Variants in JARID2 observed in about 807,000 individuals in gnomAD.
JARID2 encodes the protein jumonji and AT-rich interaction domain containing 2.
A neutral mutation model predicts 125.6 loss-of-function variants in JARID2; 21 were observed. The observed-to-expected ratio is 0.17, with a 90% CI of 0.12 to 0.24. The LOEUF (loss-of-function observed/expected upper bound fraction) is 0.24. Ranked by LOEUF, JARID2 falls within the 10% of genes least tolerant of loss-of-function variation. JARID2 has a pLI of 1.00. For missense variants in JARID2, 1,303 were observed against 1,639.6 expected, an observed-to-expected ratio of 0.79 and a Z score of 3.55; for synonymous variants, 736 against 661.6, an observed-to-expected ratio of 1.11 and a Z score of -1.73.
chr6:15,250,804 G>A (rs1759416467), intron 1 of JARID2, among the ~76,000 whole-genome samples: 1 of 152,082 alleles, frequency 6.6e-6, no homozygotes, highest in African/African-American at 2.4e-5. Context: ...ACTTCCAAGT[G>A]CCTTGGAAAT....
chr6:15,386,394 A>C (rs1764788760), intron 2 of JARID2, among the ~76,000 whole-genome samples: 1 of 152,190 alleles, frequency 6.6e-6, no homozygotes, highest in African/African-American at 2.4e-5. Flanking sequence ...ACAAGTGTAC[A>C]CATATAACCA....
At chr6:15,336,220 A>C (rs1762874253) in intron 1 of JARID2, among the ~76,000 whole-genome samples, 1 of 152,218 alleles carries the variant, frequency 6.6e-6, no homozygotes, top group South Asian at 2.1e-4. Context: ...AAACTGAAAA[A>C]CAGGTGGGGA....
At chr6:15,426,857 T>G (rs1209621568) in intron 3 of JARID2, among the ~76,000 whole-genome samples, 32 of 152,178 alleles carry the variant, frequency 2.1e-4, no homozygotes, top group Non-Finnish European at 4.4e-5. Flanking sequence ...ATCAAAAGGC[T>G]TATTTATAGT....
At chr6:15,316,440 A>G (rs926221641) in intron 1 of JARID2, among the ~76,000 whole-genome samples, 5 of 152,224 alleles carry the variant, frequency 3.3e-5, no homozygotes, top group Admixed American at 6.5e-5. Flanking sequence ...GGAGTGTTTC[A>G]TAATGAAGAT....
chr6:15,247,042 G>C (rs903998925), intron 1 of JARID2, among the ~76,000 whole-genome samples: 1 of 152,182 alleles, frequency 6.6e-6, no homozygotes, highest in Admixed American at 6.5e-5. Flanking sequence ...CGATTATGGC[G>C]ATCTTCTCTT....
intron 1 of JARID2, among the ~76,000 whole-genome samples, chr6:15,300,753 G>C (rs1051911494): frequency 6.6e-6 from 1 of 150,608 alleles, no homozygotes; most frequent in East Asian, 2.0e-4. Flanking sequence ...GAGAGAGACA[G>C]AGAGGAGGGG....
At chr6:15,438,727 C>G (rs1212863889) in intron 3 of JARID2, among the ~76,000 whole-genome samples, 1 of 152,102 alleles carries the variant, frequency 6.6e-6, no homozygotes, top group Non-Finnish European at 1.5e-5. Flanking sequence ...TCTATCTGCT[C>G]CATTGAAATC....
chr6:15,445,128 T>A (rs1013881352), intron 3 of JARID2, among the ~76,000 whole-genome samples: 1 of 152,166 alleles, frequency 6.6e-6, no homozygotes, highest in African/African-American at 2.4e-5. Flanking sequence ...TCTACACTGT[T>A]GATGACCCCA....
intron 4 of JARID2, among the ~76,000 whole-genome samples, chr6:15,459,846 A>G (rs1768362300): frequency 1.3e-5 from 2 of 152,238 alleles, no homozygotes; most frequent in African/African-American, 4.8e-5. Flanking sequence ...AACCTGCCAG[A>G]AAGCAATTAA....
At chr6:15,495,065 C>T (rs767110035) in intron 6 of JARID2, among the ~76,000 whole-genome samples, 4 of 152,136 alleles carry the variant, frequency 2.6e-5, no homozygotes, top group South Asian at 2.1e-4. Flanking sequence ...ATATCATAGA[C>T]GAAAAGTAAT....
At chr6:15,413,008 G>GTTTT (rs1041543140) in intron 3 of JARID2, among the ~76,000 whole-genome samples, 1,221 of 47,272 alleles carry the variant, frequency 0.026, 122 homozygotes, top group East Asian at 0.031. Flanking sequence ...TTGTGTTTTT[G>GTTTT]TTTTTTTTTT....
At chr6:15,257,733 G>A (rs991180323) in intron 1 of JARID2, among the ~76,000 whole-genome samples, 4 of 152,202 alleles carry the variant, frequency 2.6e-5, no homozygotes, top group East Asian at 1.9e-4. Context: ...GGTAGTACAC[G>A]TTAGGCCAGC....
At chr6:15,387,595 A>G (rs1764837599) in intron 2 of JARID2, among the ~76,000 whole-genome samples, 1 of 152,152 alleles carries the variant, frequency 6.6e-6, no homozygotes, top group South Asian at 2.1e-4. Flanking sequence ...TGGGGAGTAC[A>G]TTACAGTCTC....
chr6:15,308,690 A>G (rs2127423137), intron 1 of JARID2, among the ~76,000 whole-genome samples: 1 of 152,312 alleles, frequency 6.6e-6, no homozygotes, highest in South Asian at 2.1e-4. Context: ...GTGAGAGCCA[A>G]AAGATGTGAG....
chr6:15,508,339 G>A lies in JARID2; in HGVS notation c.2732-1G>A. 6.6e-7 allele frequency: 1 copy of A among 1,511,750 alleles called. No homozygotes were observed. The highest frequency in any genetic ancestry group is 9.2e-7 in the Non-Finnish European group (1 of 1,086,682). The allele number at this position is 1,511,750 out of a possible 1,614,324, so 93.6% of individuals were successfully genotyped here. ...TGCCCTTTTCACTCTTTCTGTTTTAGGAGTGACTATTCCCTGGCTAAATAT... is the reference window on the plus strand; with the variant it reads ...TGCCCTTTTCACTCTTTCTGTTTTAAGAGTGACTATTCCCTGGCTAAATAT... On this transcript the variant is annotated splice_acceptor_variant, in intron 11 of 17. Coordinates refer to ENST00000341776, the MANE Select transcript of JARID2 (RefSeq NM_004973.4). LOFTEE classifies it high-confidence loss of function.
chr6:15,438,147 T>C (rs1767292100), intron 3 of JARID2, among the ~76,000 whole-genome samples: 1 of 152,158 alleles, frequency 6.6e-6, no homozygotes, highest in Non-Finnish European at 1.5e-5. Flanking sequence ...TGTTCTCATT[T>C]ACAAATTGCT....
At chr6:15,435,656 AT>A (rs1460333879) in intron 3 of JARID2, among the ~76,000 whole-genome samples, 1 of 152,194 alleles carries the variant, frequency 6.6e-6, no homozygotes, top group Admixed American at 6.5e-5. Flanking sequence ...ACTTGCTTGA[AT>A]ATCTTGGCCT....
At chr6:15,353,711 C>T (rs776334345) in intron 1 of JARID2, among the ~76,000 whole-genome samples, 3 of 152,086 alleles carry the variant, frequency 2.0e-5, no homozygotes, top group Non-Finnish European at 4.4e-5. Context: ...TACTCTACTC[C>T]TTCTACCTCT....
chr6:15,347,952 C>T (rs1264411633), intron 1 of JARID2, among the ~76,000 whole-genome samples: 1 of 152,150 alleles, frequency 6.6e-6, no homozygotes, highest in African/African-American at 2.4e-5. Context: ...TGCTGTCTTC[C>T]TATTTTGCCC....
Sources: allele counts gnomAD v4.1 joint callset (sites outside exome capture counted in the v4.1 genomes callset), GRCh38; gene constraint gnomAD v4.1.1; transcripts MANE v1.5; gene names NCBI Gene and HGNC (gene_info 2026-07-23, HGNC 2026-07-21).